SLMAP: variants seen among roughly 807,000 people sequenced by gnomAD.
SLMAP encodes sarcolemma associated protein.
SLMAP carries 44 observed loss-of-function variants against 128.8 expected under a neutral mutation model. The observed-to-expected ratio is 0.34, with a 90% confidence interval of 0.27 to 0.44. The LOEUF (loss-of-function observed/expected upper bound fraction) is 0.44. Among genes scored for constraint, SLMAP ranks in the 20% least tolerant of loss-of-function variants. The pLI is 1.00. For missense variants in SLMAP, 787 were observed against 985.3 expected (o/e 0.80, Z 2.69); for synonymous variants, 327 against 348.8 (o/e 0.94, Z 0.70).
At chr3:57,820,696 A>G (rs1286225797) in intron 2 of SLMAP, among the ~76,000 whole-genome samples, 1 of 152,218 alleles carries the variant, frequency 6.6e-6, no homozygotes, top group Non-Finnish European at 1.5e-5. Context: ...GGGCAATTCC[A>G]GGGAGATAGG....
Position 57,834,740 on chromosome 3 carries a change from A to T in SLMAP, c.346+3210A>T, listed in dbSNP as rs563776844. ...CCTTTAAAGAACCTAGCATATCATT[A>T]ATGTGAAAATCTGATAAAGATATAG... On this transcript the variant is annotated intron_variant, in intron 3 of 24. Coordinates refer to ENST00000671191, the MANE Select transcript of SLMAP (RefSeq NM_001377540.1). Among the ~76,000 whole-genome samples, 7 of 152,254 alleles carry T rather than the reference A, an allele frequency of 4.6e-5. No homozygotes were observed. In the South Asian group the frequency reaches 1.4e-3, roughly 32 times the overall value.
chr3:57,779,276 G>A (rs1417911096), intron 2 of SLMAP, among the ~76,000 whole-genome samples: 1 of 152,132 alleles, frequency 6.6e-6, no homozygotes, highest in Non-Finnish European at 1.5e-5. Context: ...GGGAGGCTGA[G>A]GCAGGTAGAT....
intron 17 of SLMAP, chr3:57,899,175 C>A (rs1458207925): frequency 2.0e-5 from 3 of 152,110 alleles, no homozygotes; most frequent in Non-Finnish European, 4.4e-5. Flanking sequence ...TTGTTTGTTA[C>A]TTGCCAGATA....
intron 5 of SLMAP, 26 bp from the exon 6 acceptor site, chr3:57,849,728 G>A: frequency 8.3e-6 from 11 of 1,329,938 alleles, no homozygotes; most frequent in Non-Finnish European, 1.2e-5. Context: ...AGTGTTTTCT[G>A]TTGATACTGT....
At chr3:57,848,468 C>T (rs1402310840) in intron 5 of SLMAP, among the ~76,000 whole-genome samples, 3 of 149,972 alleles carry the variant, frequency 2.0e-5, no homozygotes, top group South Asian at 2.1e-4. Context: ...TCTTCTTACT[C>T]GTTTTTTTCT....
intron 3 of SLMAP, among the ~76,000 whole-genome samples, chr3:57,836,972 C>A (rs886500434): frequency 2.0e-5 from 3 of 152,150 alleles, no homozygotes; most frequent in African/African-American, 7.2e-5. Context: ...TTACTTCAGG[C>A]CTTCATCACC....
intron 2 of SLMAP, among the ~76,000 whole-genome samples, chr3:57,780,326 G>A (rs1245318776): frequency 6.6e-6 from 1 of 151,986 alleles, no homozygotes; most frequent in East Asian, 1.9e-4. Flanking sequence ...TTTGTGTTTT[G>A]TAGAAACAGG....
intron 2 of SLMAP, among the ~76,000 whole-genome samples, chr3:57,804,059 A>G (rs1407310822): frequency 6.6e-6 from 1 of 152,236 alleles, no homozygotes; most frequent in Non-Finnish European, 1.5e-5. Context: ...TAGTACAGTC[A>G]TCTTAAGAGT....
intron 10 of SLMAP, among the ~76,000 whole-genome samples, chr3:57,863,983 C>T (rs1340171360): frequency 6.6e-6 from 1 of 151,936 alleles, no homozygotes; most frequent in Non-Finnish European, 1.5e-5. Flanking sequence ...CCACATTGAC[C>T]CTTTACCTCT....
intron 3 of SLMAP, 117 bp from the exon 4 acceptor site, chr3:57,841,182 A>G (rs2093918107): frequency 3.5e-6 from 2 of 571,824 alleles, no homozygotes; most frequent in Admixed American, 3.7e-5. Flanking sequence ...CACTAGCTTT[A>G]TTTTCTTTCT....
rs377209460 is a variant in SLMAP at position 57,788,162 on chromosome 3, G to C, written c.198+30313G>C. Among the ~76,000 whole-genome samples the C allele has an allele frequency of 5.6e-4, 85 of 152,354 alleles. 1 individual carries two copies. The highest frequency in any genetic ancestry group is 1.9e-3 in the African/African-American group (79 of 41,590). On this transcript the variant is annotated intron_variant, in intron 2 of 24. Coordinates refer to ENST00000671191, the MANE Select transcript of SLMAP (RefSeq NM_001377540.1). ...CAGTGGTGGTTTATAGAAACTGAGT[G>C]ATTTTTGTGAATCATATAGGAGAGA...
At chr3:57,830,478 A>G (rs114360031) in intron 2 of SLMAP, among the ~76,000 whole-genome samples, 80 of 152,286 alleles carry the variant, frequency 5.3e-4, no homozygotes, top group African/African-American at 1.8e-3. Context: ...GAAAAATCGA[A>G]AAAGAAAGGT....
chr3:57,824,043 G>T (rs1249409093), intron 2 of SLMAP, among the ~76,000 whole-genome samples: 1 of 152,128 alleles, frequency 6.6e-6, no homozygotes, highest in Non-Finnish European at 1.5e-5. Context: ...ACCCACAGAG[G>T]TGAAGGAAAT....
At chr3:57,926,304 T>C (rs2097007791) in intron 24 of SLMAP, 1 of 179,796 alleles carries the variant, frequency 5.6e-6, no homozygotes, top group South Asian at 1.4e-4. Flanking sequence ...AGAGTTTGCC[T>C]CCTTGAAGTT....
At chr3:57,839,493 T>G (rs1019424663) in intron 3 of SLMAP, among the ~76,000 whole-genome samples, 14 of 140,428 alleles carry the variant, frequency 1.0e-4, no homozygotes, top group Non-Finnish European at 1.5e-4. Flanking sequence ...CAGGCTGGAG[T>G]GCAGTGGCAT....
At chr3:57,803,076 A>G (rs915684636) in intron 2 of SLMAP, among the ~76,000 whole-genome samples, 1 of 152,220 alleles carries the variant, frequency 6.6e-6, no homozygotes, top group African/African-American at 2.4e-5. Context: ...TTCAGAATTT[A>G]TTGGTAGATG....
intron 2 of SLMAP, among the ~76,000 whole-genome samples, chr3:57,782,942 C>T (rs1353718314): frequency 6.6e-6 from 1 of 152,152 alleles, no homozygotes; most frequent in Non-Finnish European, 1.5e-5. Flanking sequence ...GATGATGGCA[C>T]CTTGATACAG....
chr3:57,872,525 A>G (rs2095506534), intron 14 of SLMAP, among the ~76,000 whole-genome samples: 1 of 151,730 alleles, frequency 6.6e-6, no homozygotes, highest in Non-Finnish European at 1.5e-5. Context: ...AGGCTGAGGC[A>G]GGAGAATTGC....
rs1233751544 is a variant in SLMAP at position 57,929,345 on chromosome 3, T to C, written c.*2056T>C. Reference sequence around the variant, plus strand: ...AGTTTTATTAACCTTTTATTTAACTTACTGCTTTATTTTTTTCTCTTTTAA... The same window carrying C: ...AGTTTTATTAACCTTTTATTTAACTCACTGCTTTATTTTTTTCTCTTTTAA... On this transcript the variant is annotated 3_prime_UTR_variant, in exon 25 of 25. Transcript: ENST00000671191. Among the ~76,000 whole-genome samples the C allele has an allele frequency of 6.6e-6, 1 of 152,236 alleles. No homozygotes were observed. The highest frequency in any genetic ancestry group is 2.4e-5 in the African/African-American group (1 of 41,478).
Sources: allele counts gnomAD v4.1 joint callset (sites outside exome capture counted in the v4.1 genomes callset), GRCh38; gene constraint gnomAD v4.1.1; transcripts MANE v1.5; gene names NCBI Gene and HGNC (gene_info 2026-07-23, HGNC 2026-07-21).